The following PIK3R1 variants were observed in gnomAD, a reference collection of about 807,000 sequenced individuals.
PIK3R1 encodes phosphoinositide-3-kinase regulatory subunit 1.
PIK3R1 carries 29 observed loss-of-function variants against 98.0 expected under a neutral mutation model. The ratio of observed to expected loss-of-function variants is 0.30; its 90% CI spans 0.22 to 0.40. The LOEUF (loss-of-function observed/expected upper bound fraction) is 0.40. PIK3R1 is among the 10% of genes least tolerant of loss of function. PIK3R1 has a pLI of 1.00. For missense variants in PIK3R1, 596 were observed against 872.7 expected (o/e 0.68, Z 3.99); for synonymous variants, 282 against 311.8 (o/e 0.90, Z 1.01).
chr5:68,223,123 A>AACC (rs1466182873), intron 1 of PIK3R1, among the ~76,000 whole-genome samples: 3 of 147,918 alleles, frequency 2.0e-5, no homozygotes, highest in Non-Finnish European at 4.5e-5. Context: ...GTACAAACTC[A>AACC]ATCATCATCA....
At chr5:68,227,086 T>C in intron 2 of PIK3R1, 77 bp downstream of exon 2, 1 of 1,334,710 alleles carries the variant, frequency 7.5e-7, no homozygotes, top group Non-Finnish European at 1.0e-6. Flanking sequence ...TTGGGTTGAG[T>C]CGTTATGTTC....
At chr5:68,281,914 T>C (rs1331669729) in intron 7 of PIK3R1, among the ~76,000 whole-genome samples, 1 of 152,158 alleles carries the variant, frequency 6.6e-6, no homozygotes, top group Non-Finnish European at 1.5e-5. Context: ...ACAGCCAGGC[T>C]TGGTTACTTG....
At position 68,295,597 on chromosome 5, in the gene PIK3R1, A is replaced by G. The variant is rs982795638; in HGVS notation, c.1814+109A>G. 7.8e-6 allele frequency: 7 copies of G among 898,566 alleles called. No homozygotes were observed. The African/African-American group carries it at 8.3e-5, about 11-fold the overall frequency. The allele number at this position is 898,566 out of a possible 1,614,324, so 55.7% of individuals were successfully genotyped here. On this transcript the variant is annotated intron_variant, in intron 14 of 15. Coordinates refer to ENST00000521381, the MANE Select transcript of PIK3R1 (RefSeq NM_181523.3). ...TGAGGAATTTTACTGAGTTTGGAAC[A>G]TCTTGTAGGAGAAAATGTATAAACT...
At chr5:68,218,492 C>T (rs1163210369) in intron 1 of PIK3R1, among the ~76,000 whole-genome samples, 1 of 152,144 alleles carries the variant, frequency 6.6e-6, no homozygotes, top group African/African-American at 2.4e-5. Context: ...AGATTGTTCA[C>T]ATGATCATTA....
intron 7 of PIK3R1, among the ~76,000 whole-genome samples, chr5:68,283,845 T>C (rs1746958230): frequency 6.6e-6 from 1 of 152,210 alleles, no homozygotes; most frequent in African/African-American, 2.4e-5. Flanking sequence ...TTTTGGAAAC[T>C]TCGTGAGCAA....
chr5:68,266,020 T>C (rs1045151282), intron 2 of PIK3R1, among the ~76,000 whole-genome samples: 1 of 152,172 alleles, frequency 6.6e-6, no homozygotes. Context: ...GCAGTTTCTC[T>C]CTCTCTACCC....
intron 14 of PIK3R1, 129 bp downstream of exon 14, chr5:68,295,617 T>C (rs1198601406): frequency 1.3e-6 from 1 of 766,912 alleles, no homozygotes; most frequent in African/African-American, 1.7e-5. Context: ...AGAAAATGTA[T>C]AAACTCAGTG....
At chr5:68,272,184 T>G (rs1017678579) in intron 2 of PIK3R1, among the ~76,000 whole-genome samples, 1 of 150,318 alleles carries the variant, frequency 6.7e-6, no homozygotes, top group Non-Finnish European at 1.5e-5. Flanking sequence ...ACTCAGGAAG[T>G]TGAGGCTGCA....
At chr5:68,279,279 C>T (rs1018426727) in intron 4 of PIK3R1, among the ~76,000 whole-genome samples, 1 of 152,120 alleles carries the variant, frequency 6.6e-6, no homozygotes, top group Non-Finnish European at 1.5e-5. Context: ...CAGCCCAATT[C>T]AGCCCATAAC....
intron 1 of PIK3R1, chr5:68,217,329 G>C (rs946260588): frequency 6.6e-6 from 1 of 152,196 alleles, no homozygotes; most frequent in Non-Finnish European, 1.5e-5. Flanking sequence ...TATTAGCTAG[G>C]AAGGGTTGGA....
At chr5:68,290,661 G>C in intron 7 of PIK3R1, 1 of 1,546,200 alleles carries the variant, frequency 6.5e-7, no homozygotes. Context: ...TGAATTCCAA[G>C]ACACCATTAC....
rs1747809899 is a variant in PIK3R1 at position 68,297,716 on chromosome 5, TC to T, written c.*116del. On this transcript the variant is annotated 3_prime_UTR_variant, in exon 16 of 16. Transcript: ENST00000521381. ...TGAGCTGCAGAAACGAAGCCATCTT[TC>T]TTTGGATGGGACTAGAGCTTTCTTT... 1 of 832,130 alleles carries T rather than the reference TC, an allele frequency of 1.2e-6. No individual in the cohort carries two copies. Among genetic ancestry groups the T allele is most frequent in the South Asian group, 1.7e-5 (1 of 60,146 alleles). 51.5% of individuals were successfully genotyped at this position (832,130 alleles called of 1,614,324 possible). A position where few individuals can be genotyped will look rare whatever the true frequency, so the allele number is the denominator to read the frequency against.
intron 2 of PIK3R1, among the ~76,000 whole-genome samples, chr5:68,230,151 T>C (rs186471220): frequency 4.4e-4 from 67 of 152,336 alleles, no homozygotes; most frequent in African/African-American, 1.6e-3. Context: ...CCACTCTCAC[T>C]TCTCTGCTCA....
At position 68,221,730 on chromosome 5, in the gene PIK3R1, C is replaced by T. The variant is rs1744098293; in HGVS notation, c.-386-4560C>T. Among the ~76,000 whole-genome samples, 3 of 152,196 alleles carry T rather than the reference C, an allele frequency of 2.0e-5. No individual in the cohort carries two copies. The South Asian group carries it at 6.2e-4, about 32-fold the overall frequency. Reference sequence around the variant, plus strand: ...GTTAGAGGGTTACACAGAAAATCTACTTTACAGCAGTTGTACGTTAAGTAG... The same window carrying T: ...GTTAGAGGGTTACACAGAAAATCTATTTTACAGCAGTTGTACGTTAAGTAG... On this transcript the variant is annotated intron_variant, in intron 1 of 15. Coordinates refer to ENST00000521381, the MANE Select transcript of PIK3R1 (RefSeq NM_181523.3).
At chr5:68,267,095 G>C (rs2112141015) in intron 2 of PIK3R1, among the ~76,000 whole-genome samples, 1 of 152,262 alleles carries the variant, frequency 6.6e-6, no homozygotes, top group Non-Finnish European at 1.5e-5. Flanking sequence ...GGTGAGGAGA[G>C]GAGGAAATCC....
At chr5:68,272,266 A>AAAAG (rs35373278) in intron 2 of PIK3R1, among the ~76,000 whole-genome samples, 2 of 71,250 alleles carry the variant, frequency 2.8e-5, no homozygotes, top group African/African-American at 2.4e-4. Context: ...AAAAAAAAAA[A>AAAAG]AAAAGAAAAA....
chr5:68,219,574 A>G (rs1744021804), intron 1 of PIK3R1, among the ~76,000 whole-genome samples: 1 of 152,236 alleles, frequency 6.6e-6, no homozygotes, highest in Admixed American at 6.5e-5. Context: ...GGCCTCTCCC[A>G]GGCCTCCTTT....
At chr5:68,279,963 T>C (rs1365242709) in intron 5 of PIK3R1, among the ~76,000 whole-genome samples, 1 of 152,230 alleles carries the variant, frequency 6.6e-6, no homozygotes, top group African/African-American at 2.4e-5. Flanking sequence ...AATGGCTCAT[T>C]GTTAACCTAT....
At chr5:68,280,487 CG>C (rs1325173230) in intron 5 of PIK3R1, 40 bp from the exon 6 acceptor site, 26 of 1,352,314 alleles carry the variant, frequency 1.9e-5, no homozygotes, top group Non-Finnish European at 2.6e-5. Context: ...TGGAAGTAGT[CG>C]CTTACTCATT....
Sources: allele counts gnomAD v4.1 joint callset (sites outside exome capture counted in the v4.1 genomes callset), GRCh38; gene constraint gnomAD v4.1.1; transcripts MANE v1.5; gene names NCBI Gene and HGNC (gene_info 2026-07-23, HGNC 2026-07-21).